Variants in EBF1 observed in about 807,000 individuals in gnomAD.
EBF1 encodes EBF transcription factor 1.
A neutral mutation model predicts 68.4 loss-of-function variants in EBF1; 10 were observed. That is an observed-to-expected ratio of 0.15 (90% CI 0.09 to 0.25). The LOEUF is 0.25. Among genes scored for constraint, EBF1 ranks in the 10% least tolerant of loss-of-function variants. EBF1 has a pLI of 1.00. For synonymous variants in EBF1, 298 were observed against 299.8 expected (o/e 0.99, Z 0.06); for missense variants, 509 against 794.4 (o/e 0.64, Z 4.32).
At chr5:158,719,971 T>C (rs1761585349) in intron 11 of EBF1, among the ~76,000 whole-genome samples, 1 of 152,106 alleles carries the variant, frequency 6.6e-6, no homozygotes, top group Non-Finnish European at 1.5e-5. Context: ...GTTGGGTGAT[T>C]TCTGAGAAAG....
intron 6 of EBF1, among the ~76,000 whole-genome samples, chr5:159,070,689 A>G (rs1280136548): frequency 1.3e-5 from 2 of 152,244 alleles, no homozygotes; most frequent in African/African-American, 2.4e-5. Flanking sequence ...TTGGTGCTCA[A>G]AAGTTGACTG....
intron 5 of EBF1, among the ~76,000 whole-genome samples, chr5:159,078,711 A>G (rs1293514567): frequency 6.6e-6 from 1 of 152,214 alleles, no homozygotes; most frequent in Non-Finnish European, 1.5e-5. Context: ...GGCCAGTCTC[A>G]GGCGTTGGTA....
At chr5:159,018,873 G>A (rs1367252463) in intron 6 of EBF1, 1 of 152,184 alleles carries the variant, frequency 6.6e-6, no homozygotes, top group Non-Finnish European at 1.5e-5. Context: ...CAAAGCTGAA[G>A]TCCACAGCTT....
chr5:158,708,132 G>T lies in EBF1; in HGVS notation c.1591C>A (p.Pro531Thr). Reference protein sequence around the residue: ...SPTMASSTSLPSNCSSSSGIF... With the variant: ...SPTMASSTSLTSNCSSSSGIF... The stretch of plus-strand genomic sequence containing the variant: ...CCCGAGGAGCTGCTGCAGTTGGAGG[G>T]GAGGCTTGTGGAGGAGGCCATGGTG... Residue 531 changes from proline to threonine, a missense_variant, in exon 15 of 16, where the codon CCC becomes ACC. Coordinates refer to ENST00000313708, the MANE Select transcript of EBF1 (RefSeq NM_024007.5). 6.3e-7 allele frequency: 1 copy of T among 1,588,300 alleles called. No individual in the cohort carries two copies. The highest frequency in any genetic ancestry group is 2.3e-5 in the East Asian group (1 of 44,008).
At chr5:158,767,334 C>T (rs1772931991) in intron 10 of EBF1, among the ~76,000 whole-genome samples, 1 of 152,086 alleles carries the variant, frequency 6.6e-6, no homozygotes, top group South Asian at 2.1e-4. Context: ...GGTTAAAATA[C>T]TTAAGGCTCC....
intron 5 of EBF1, among the ~76,000 whole-genome samples, chr5:159,075,199 C>G (rs946181070): frequency 1.1e-4 from 16 of 152,150 alleles, no homozygotes; most frequent in African/African-American, 3.9e-4. Flanking sequence ...AGGGAACAGG[C>G]TTGAGGCAAT....
intron 6 of EBF1, among the ~76,000 whole-genome samples, chr5:158,962,399 T>A (rs183882868): frequency 5.3e-5 from 8 of 152,244 alleles, no homozygotes; most frequent in Admixed American, 4.6e-4. Flanking sequence ...ATACCCCATC[T>A]ACAAGGCAAC....
At chr5:158,880,405 C>T (rs897352909) in intron 6 of EBF1, among the ~76,000 whole-genome samples, 5 of 152,024 alleles carry the variant, frequency 3.3e-5, no homozygotes, top group African/African-American at 7.3e-5. Context: ...AAGAAAATTT[C>T]GAAAAATTTA....
Position 158,781,196 on chromosome 5 carries a change from G to A in EBF1, c.910-3657C>T, listed in dbSNP as rs1192555286. ...ATGAGAAAAGTTGATGGTCAGGCAA[G>A]TTAATATTATTTAAAACACTTGGAT... is the stretch of plus-strand genomic sequence containing the variant. On this transcript the variant is annotated intron_variant, in intron 9 of 15. Transcript: ENST00000313708. Among the ~76,000 whole-genome samples the A allele has an allele frequency of 2.0e-5, 3 of 152,124 alleles. No homozygotes were observed. In the East Asian group the frequency reaches 5.8e-4, roughly 29 times the overall value.
rs1471149428 is a variant in EBF1 at position 159,099,438 on chromosome 5, C to A, written c.41G>T (p.Ser14Ile). 6.3e-7 allele frequency: 1 copy of A among 1,599,506 alleles called. No individual in the cohort carries two copies. The highest frequency in any genetic ancestry group is 1.1e-5 in the South Asian group (1 of 90,132). Residue 14 changes from serine (S) to isoleucine (I), a missense_variant, in exon 1 of 16, where the codon AGC becomes ATC. Ser to Ile is a moderately radical substitution (Grantham distance 142). Transcript: ENST00000313708. Reference sequence around the variant, plus strand: ...GCTGCCCAGCGGCTCTTCCTTCATGCTGCTTCCACTCCGTTGGATGCTTTC... The same window carrying A: ...GCTGCCCAGCGGCTCTTCCTTCATGATGCTTCCACTCCGTTGGATGCTTTC... The part of the protein sequence containing the change: ...IQESIQRSGS[S>I]MKEEPLGSGM...
chr5:159,084,875 G>T (rs1780366493), intron 4 of EBF1, 136 bp from the exon 5 acceptor site: 4 of 591,030 alleles, frequency 6.8e-6, no homozygotes, highest in African/African-American at 1.9e-5. Context: ...ACATCACTGG[G>T]TTGATCGTCT....
intron 6 of EBF1, among the ~76,000 whole-genome samples, chr5:159,045,472 G>A (rs72813936): frequency 6.6e-6 from 1 of 151,772 alleles, no homozygotes; most frequent in Non-Finnish European, 1.5e-5. Flanking sequence ...TTGGAAGTGT[G>A]ACATTACAAT....
At chr5:159,050,716 A>T (rs571150976) in intron 6 of EBF1, among the ~76,000 whole-genome samples, 1 of 152,318 alleles carries the variant, frequency 6.6e-6, no homozygotes, top group African/African-American at 2.4e-5. Flanking sequence ...CCTGCTAGCC[A>T]GTCTGGCTGG....
At chr5:159,089,766 AGAAGAG>A (rs1226326382) in intron 4 of EBF1, among the ~76,000 whole-genome samples, 1 of 151,878 alleles carries the variant, frequency 6.6e-6, no homozygotes, top group African/African-American at 2.4e-5. Flanking sequence ...CATTAGTTGA[AGAAGAG>A]GAAGAGGAAA....
intron 6 of EBF1, among the ~76,000 whole-genome samples, chr5:158,881,268 T>C (rs1197019365): frequency 6.6e-6 from 1 of 152,218 alleles, no homozygotes; most frequent in East Asian, 1.9e-4. Flanking sequence ...ATTGCCCTAT[T>C]ATGCTGATAC....
At chr5:158,754,491 C>G (rs1212372997) in intron 10 of EBF1, among the ~76,000 whole-genome samples, 1 of 152,146 alleles carries the variant, frequency 6.6e-6, no homozygotes, top group Non-Finnish European at 1.5e-5. Context: ...TGCTCCAAAG[C>G]TTCAATAACA....
At chr5:158,742,735 A>G (rs1238232707) in intron 10 of EBF1, among the ~76,000 whole-genome samples, 1 of 152,194 alleles carries the variant, frequency 6.6e-6, no homozygotes, top group Admixed American at 6.5e-5. Flanking sequence ...CTAACTTGGA[A>G]TTACAGTTTA....
intron 6 of EBF1, among the ~76,000 whole-genome samples, chr5:158,979,178 T>A (rs1298233229): frequency 6.6e-6 from 1 of 152,224 alleles, no homozygotes; most frequent in Non-Finnish European, 1.5e-5. Context: ...TATTAGAGAC[T>A]ATTAAAATGT....
intron 6 of EBF1, among the ~76,000 whole-genome samples, chr5:158,936,983 T>C (rs904319324): frequency 6.6e-6 from 1 of 151,700 alleles, no homozygotes; most frequent in Non-Finnish European, 1.5e-5. Flanking sequence ...GAGAGGGTCA[T>C]GGAGGAGGGC....
Sources: gnomAD v4.1 joint callset for allele counts (sites outside exome capture counted in the v4.1 genomes callset) on GRCh38, gnomAD v4.1.1 for gene constraint, MANE v1.5 for transcripts, NCBI Gene and HGNC (gene_info 2026-07-23, HGNC 2026-07-21) for gene names.